IFI44L: variants seen among roughly 807,000 people sequenced by gnomAD.
IFI44L encodes interferon induced protein 44 like.
Under a neutral mutation model 39.3 loss-of-function variants are expected in IFI44L, and 40 were observed. The observed-to-expected ratio is 1.02, with a 90% CI of 0.79 to 1.33. The LOEUF (loss-of-function observed/expected upper bound fraction) is 1.33, where lower values mean the gene tolerates loss of function less well. Among genes scored for constraint, IFI44L ranks in the 40% most tolerant of loss-of-function variants. IFI44L has a pLI of 0.00. For missense variants in IFI44L, 623 were observed against 549.0 expected (o/e 1.13, Z -1.35); for synonymous variants, 198 against 182.3 (o/e 1.09, Z -0.69).
At chr1:78,630,172 A>G in intron 4 of IFI44L, 1 of 356,656 alleles carries the variant, frequency 2.8e-6, no homozygotes, top group Non-Finnish European at 5.1e-6. Context: ...AAAATTAAAA[A>G]CCCTATGAAA....
chr1:78,626,265 T>A (rs1418992774), intron 1 of IFI44L: 2 of 152,012 alleles, frequency 1.3e-5, no homozygotes. Flanking sequence ...TCTTTTTGAC[T>A]TCTTATTGTA....
At chr1:78,633,698 G>A (rs1006254469) in intron 4 of IFI44L, among the ~76,000 whole-genome samples, 9 of 152,158 alleles carry the variant, frequency 5.9e-5, no homozygotes, top group Admixed American at 1.3e-4. Context: ...CATGACGTCA[G>A]TAAAGAGAGA....
chr1:78,641,050 G>GTACT lies in IFI44L; in HGVS notation c.1079_1080insACTT (p.Asp361LeufsTer3). ...AGCATATGTGGCCTTGCTTACTAAA[G>GTACT]TGGATGATTGCAGTGAGGTTCTTCA... On this transcript the variant is annotated frameshift_variant, in exon 7 of 9. Coordinates refer to ENST00000370751, the MANE Select transcript of IFI44L (RefSeq NM_006820.4). LOFTEE classifies it high-confidence loss of function. The GTACT allele has an allele frequency of 4.3e-6, 7 of 1,612,548 alleles. No individual in the cohort carries two copies. Among genetic ancestry groups the GTACT allele is most frequent in the Non-Finnish European group, 5.9e-6 (7 of 1,178,868 alleles).
Position 78,641,548 on chromosome 1 carries a change from A to T in IFI44L, c.1263A>T (p.Ala421=), listed in dbSNP as rs1187586974. Residue 421 remains alanine, a synonymous_variant, in exon 8 of 9, where the codon GCA becomes GCT. Coordinates refer to ENST00000370751, the MANE Select transcript of IFI44L (RefSeq NM_006820.4). ...DPMKDILILS[A]LRQMLRAADD... ...TGAAGGATATTCTCATCCTCTCTGC[A>T]CTGAGGCAGATGCTGCGGGCTGCAG... The T allele has an allele frequency of 1.9e-6, 3 of 1,613,762 alleles. 1 individual carries two copies. Among genetic ancestry groups the T allele is most frequent in the Middle Eastern group, 3.3e-4 (2 of 6,058 alleles).
At chr1:78,640,092 C>T (rs911861917) in intron 6 of IFI44L, among the ~76,000 whole-genome samples, 7 of 151,982 alleles carry the variant, frequency 4.6e-5, no homozygotes, top group African/African-American at 1.7e-4. Context: ...CTTAACAGCT[C>T]TAAAATTATG....
chr1:78,624,426 G>A (rs1652406280), intron 1 of IFI44L, among the ~76,000 whole-genome samples: 1 of 152,158 alleles, frequency 6.6e-6, no homozygotes, highest in African/African-American at 2.4e-5. Flanking sequence ...TCATTACATG[G>A]TTATGAGGAA....
intron 4 of IFI44L, among the ~76,000 whole-genome samples, chr1:78,633,001 C>T (rs1652810369): frequency 6.6e-6 from 1 of 152,170 alleles, no homozygotes; most frequent in African/African-American, 2.4e-5. Flanking sequence ...AGCAATCATT[C>T]CTCCACTGAA....
intron 4 of IFI44L, chr1:78,631,618 A>G (rs1652751936): frequency 6.6e-6 from 1 of 152,178 alleles, no homozygotes; most frequent in South Asian, 2.1e-4. Flanking sequence ...ACCATCAAAT[A>G]AAATACTTTC....
At chr1:78,622,560 A>G (rs896757493) in intron 1 of IFI44L, among the ~76,000 whole-genome samples, 2 of 152,062 alleles carry the variant, frequency 1.3e-5, no homozygotes, top group South Asian at 2.1e-4. Context: ...ATGTCCGTGT[A>G]TAATCCCCCC....
Position 78,641,878 on chromosome 1 carries a change from A to G in IFI44L, c.*69A>G, listed in dbSNP as rs1646990992. The G allele has an allele frequency of 6.7e-7, 1 of 1,502,544 alleles. No individual in the cohort carries two copies. The highest frequency in any genetic ancestry group is 9.3e-7 in the Non-Finnish European group (1 of 1,078,796). 93.1% of individuals were successfully genotyped at this position (1,502,544 alleles called of 1,614,324 possible). A position where few individuals can be genotyped will look rare whatever the true frequency, so the allele number is the denominator to read the frequency against. ...TGTGCCGCAATGAGAGTCAATCTCT[A>G]TTGACAGCCTGCTTCAGATTTTGCT... On this transcript the variant is annotated 3_prime_UTR_variant, in exon 9 of 9. Coordinates refer to ENST00000370751, the MANE Select transcript of IFI44L (RefSeq NM_006820.4).
rs1557683804 is a variant in IFI44L at position 78,628,229 on chromosome 1, CA to C, written c.319del (p.Ile107LeufsTer26). ...EIETLLLNTA[P>X]KIIDEQLVCR... is the part of the protein sequence containing the mutation. ...GAAACTTTACTCTTAAATACAGCAC[CA>C]AAAATTATTGATGAGCAACTGGTGT... On this transcript the variant is annotated frameshift_variant, in exon 2 of 9. Coordinates refer to ENST00000370751, the MANE Select transcript of IFI44L (RefSeq NM_006820.4). LOFTEE classifies it high-confidence loss of function. 6.2e-7 allele frequency: 1 copy of C among 1,612,334 alleles called. No homozygotes were observed. The highest frequency in any genetic ancestry group is 1.7e-5 in the Admixed American group (1 of 59,806).
At chr1:78,640,629 C>T (rs1646971654) in intron 6 of IFI44L, among the ~76,000 whole-genome samples, 1 of 152,086 alleles carries the variant, frequency 6.6e-6, no homozygotes, top group African/African-American at 2.4e-5. Flanking sequence ...CCTATTAGAA[C>T]TGTGAAATCA....
Position 78,636,781 on chromosome 1 carries a change from T to C in IFI44L, c.877-251T>C, listed in dbSNP as rs1015379782. The stretch of plus-strand genomic sequence containing the variant: ...TTCAAAAATATTATTTAAACTTTCC[T>C]GCAATACTTACAATGGATAATTATC... On this transcript the variant is annotated intron_variant, in intron 5 of 8. Coordinates refer to ENST00000370751, the MANE Select transcript of IFI44L (RefSeq NM_006820.4). 1.0e-4 allele frequency: 40 copies of C among 395,264 alleles called. No individual in the cohort carries two copies. In the East Asian group the frequency reaches 1.9e-3, roughly 19 times the overall value. The allele number at this position is 395,264 out of a possible 1,614,324, so 24.5% of individuals were successfully genotyped here. A position where few individuals can be genotyped will look rare whatever the true frequency, so the allele number is the denominator to read the frequency against.
Position 78,644,609 on chromosome 1 carries a change from G to C in IFI44L, c.*2800G>C, listed in dbSNP as rs1044479433. ...TTCCCTGATCTTTTTCTACCACCCT[G>C]AGGGGTGGTGGGAATTATCATTTTG... On this transcript the variant is annotated 3_prime_UTR_variant, in exon 9 of 9. Coordinates refer to ENST00000370751, the MANE Select transcript of IFI44L (RefSeq NM_006820.4). The C allele has an allele frequency of 6.6e-6, 1 of 152,180 alleles. No individual in the cohort carries two copies. Among genetic ancestry groups the C allele is most frequent in the African/African-American group, 2.4e-5 (1 of 41,446 alleles). 9.4% of individuals were successfully genotyped at this position (152,180 alleles called of 1,614,324 possible).
intron 6 of IFI44L, among the ~76,000 whole-genome samples, chr1:78,640,050 A>G (rs946472807): frequency 4.6e-5 from 7 of 152,126 alleles, no homozygotes; most frequent in Non-Finnish European, 4.4e-5. Context: ...CATTAGATAT[A>G]CACAATGTAA....
rs1646991208 is a variant in IFI44L at position 78,641,905 on chromosome 1, T to C, written c.*96T>C. The C allele has an allele frequency of 7.4e-7, 1 of 1,353,780 alleles. No homozygotes were observed. Among genetic ancestry groups the C allele is most frequent in the Non-Finnish European group, 1.1e-6 (1 of 943,324 alleles). 83.9% of individuals were successfully genotyped at this position (1,353,780 alleles called of 1,614,324 possible). A position where few individuals can be genotyped will look rare whatever the true frequency, so the allele number is the denominator to read the frequency against. On this transcript the variant is annotated 3_prime_UTR_variant, in exon 9 of 9. Coordinates refer to ENST00000370751, the MANE Select transcript of IFI44L (RefSeq NM_006820.4). ...TGACAGCCTGCTTCAGATTTTGCTT[T>C]TGTTCGTTTTGCCTTCTGTCCTTGG...
At position 78,635,368 on chromosome 1, in the gene IFI44L, A is replaced by G. The variant is rs1459788786; in HGVS notation, c.755A>G (p.Asn252Ser). 6.2e-7 allele frequency: 1 copy of G among 1,611,338 alleles called. No individual in the cohort carries two copies. Among genetic ancestry groups the G allele is most frequent in the Non-Finnish European group, 8.5e-7 (1 of 1,177,550 alleles). The stretch of plus-strand genomic sequence containing the variant: ...ATATATTCTGTTAAAGATGGAAAAA[A>G]TGGAAAATCTCTGCCATTTATGTTG... ...YRIYSVKDGK[N>S]GKSLPFMLCD... Residue 252 changes from asparagine to serine, a missense_variant, in exon 5 of 9, where the codon AAT (asparagine) becomes AGT (serine). By Grantham distance (46) the Asn-to-Ser change is conservative. Coordinates refer to ENST00000370751, the MANE Select transcript of IFI44L (RefSeq NM_006820.4).
rs60363203 is a variant in IFI44L, at chr1:78,645,010, T to C, written c.*3201T>C. 3.0e-4 allele frequency: 45 copies of C among 152,282 alleles called. No homozygotes were observed. The highest frequency in any genetic ancestry group is 1.1e-3 in the African/African-American group (44 of 41,546). The allele number at this position is 152,282 out of a possible 1,614,324, so 9.4% of individuals were successfully genotyped here. A position where few individuals can be genotyped will look rare whatever the true frequency, so the allele number is the denominator to read the frequency against. On this transcript the variant is annotated 3_prime_UTR_variant, in exon 9 of 9. Coordinates refer to ENST00000370751, the MANE Select transcript of IFI44L (RefSeq NM_006820.4). ...TGAGGTATGCAGGCCCAGAGAGACATAAGTATGTTCCTTTAGTCTTGCTTC... is the reference window on the plus strand; with the variant it reads ...TGAGGTATGCAGGCCCAGAGAGACACAAGTATGTTCCTTTAGTCTTGCTTC...
intron 5 of IFI44L, among the ~76,000 whole-genome samples, chr1:78,636,256 C>T (rs1027058560): frequency 2.0e-5 from 3 of 152,004 alleles, no homozygotes; most frequent in African/African-American, 7.2e-5. Flanking sequence ...ACTGAAAACA[C>T]ATAAGTCAAT....
Sources: gnomAD v4.1 joint callset for allele counts (sites outside exome capture counted in the v4.1 genomes callset) on GRCh38, gnomAD v4.1.1 for gene constraint, MANE v1.5 for transcripts, NCBI Gene and HGNC (gene_info 2026-07-23, HGNC 2026-07-21) for gene names.